Variants in DBF4 observed in about 807,000 individuals in gnomAD.
The protein encoded by DBF4 is protein DBF4 homolog A.
DBF4 carries 25 observed loss-of-function variants against 76.6 expected under a neutral mutation model. The observed-to-expected ratio is 0.33, with a 90% CI of 0.24 to 0.46. DBF4 has a LOEUF of 0.46. DBF4 is among the 20% of genes least tolerant of loss of function. The pLI is 1.00. For missense variants in DBF4, 638 were observed against 760.8 expected (o/e 0.84, Z 1.90); for synonymous variants, 213 against 258.0 (o/e 0.83, Z 1.67).
intron 11 of DBF4, among the ~76,000 whole-genome samples, chr7:87,905,045 G>A (rs1562767564): frequency 6.6e-6 from 1 of 152,102 alleles, no homozygotes; most frequent in East Asian, 1.9e-4. Flanking sequence ...CTGCCTCCCA[G>A]GTACAAAAGA....
intron 6 of DBF4, among the ~76,000 whole-genome samples, chr7:87,889,173 A>G (rs1839429158): frequency 6.6e-6 from 1 of 152,186 alleles, no homozygotes; most frequent in South Asian, 2.1e-4. Context: ...AAGATTATAA[A>G]TAGAGTAACC....
intron 2 of DBF4, among the ~76,000 whole-genome samples, chr7:87,884,352 C>A (rs905080945): frequency 3.9e-5 from 6 of 152,152 alleles, no homozygotes; most frequent in Non-Finnish European, 5.9e-5. Flanking sequence ...CATAACAAGA[C>A]CCCATCTCTT....
Position 87,876,781 on chromosome 7 carries a change from A to G in DBF4, c.46+3A>G, listed in dbSNP as rs201331240. 2.5e-6 allele frequency: 4 copies of G among 1,614,106 alleles called. No homozygotes were observed. Among genetic ancestry groups the G allele is most frequent in the East Asian group, 2.2e-5 (1 of 44,878 alleles). On this transcript the variant is annotated splice_donor_region_variant and intron_variant, in intron 1 of 11. Coordinates refer to ENST00000265728, the MANE Select transcript of DBF4 (RefSeq NM_006716.4). The stretch of plus-strand genomic sequence containing the variant: ...CCACAGTAAAGGACATTTCCAGGGT[A>G]AGAAGCCCCTCCTCCGCCTGCAGTC...
chr7:87,890,293 C>T (rs1026116799), intron 6 of DBF4, among the ~76,000 whole-genome samples: 3 of 152,182 alleles, frequency 2.0e-5, no homozygotes, highest in African/African-American at 7.2e-5. Flanking sequence ...AATCCCAGCA[C>T]TTTGGGAGGC....
At chr7:87,904,080 A>G (rs115728144) in intron 10 of DBF4, among the ~76,000 whole-genome samples, 165 of 152,262 alleles carry the variant, frequency 1.1e-3, no homozygotes, top group African/African-American at 3.9e-3. Flanking sequence ...ACTGAAGACT[A>G]AAAACCAAAG....
chr7:87,893,537 G>A (rs892851941), intron 6 of DBF4, among the ~76,000 whole-genome samples: 1 of 152,170 alleles, frequency 6.6e-6, no homozygotes, highest in Admixed American at 6.5e-5. Context: ...GAGCCACCGC[G>A]CCCGGCCTTC....
At chr7:87,895,802 A>G (rs1375638151) in intron 6 of DBF4, among the ~76,000 whole-genome samples, 2 of 152,054 alleles carry the variant, frequency 1.3e-5, no homozygotes, top group East Asian at 1.9e-4. Context: ...TACCTTTACA[A>G]TCTCAGCCTC....
In DBF4 at chr7:87,885,130, A is replaced by G; in HGVS notation, c.371A>G (p.Asp124Gly). 3.1e-6 allele frequency: 5 copies of G among 1,610,322 alleles called. No homozygotes were observed. The highest frequency in any genetic ancestry group is 1.7e-5 in the Admixed American group (1 of 59,558). ...ACCACTTCACCTCATCCCAGCCATG[A>G]TGGAAGTTCATTTAAGTCACCAGAC... is the stretch of plus-strand genomic sequence containing the variant. ...AETTSPHPSH[D>G]GSSFKSPDTV... The change falls in exon 3 of 12, where the codon GAT (aspartate) becomes GGT (glycine). Residue 124 changes from aspartate (D) to glycine (G), a missense_variant. By Grantham distance (94) the Asp-to-Gly change is moderately conservative. Transcript: ENST00000265728.
chr7:87,876,824 C>T (rs371552897), intron 1 of DBF4, 46 bp downstream of exon 1: 7 of 1,601,102 alleles, frequency 4.4e-6, no homozygotes, highest in Admixed American at 1.7e-5. Context: ...TCCTTTCCTC[C>T]CCTCGTGGTT....
chr7:87,876,524 T>A lies in DBF4; in HGVS notation c.-209T>A, dbSNP rs1471536450. 2 of 594,218 alleles carry A rather than the reference T, an allele frequency of 3.4e-6. No homozygotes were observed. The highest frequency in any genetic ancestry group is 6.0e-6 in the Non-Finnish European group (2 of 332,816). The allele number at this position is 594,218 out of a possible 1,614,324, so 36.8% of individuals were successfully genotyped here. On this transcript the variant is annotated 5_prime_UTR_variant, in exon 1 of 12. Coordinates refer to ENST00000265728, the MANE Select transcript of DBF4 (RefSeq NM_006716.4). The stretch of plus-strand genomic sequence containing the variant: ...TCAACCGCCGCAGCCCACTCGTTTG[T>A]GCTTTGCGCCTTCCTCCTCCGCGCC...
At chr7:87,890,352 G>T (rs1432563793) in intron 6 of DBF4, among the ~76,000 whole-genome samples, 1 of 152,090 alleles carries the variant, frequency 6.6e-6, no homozygotes, top group Non-Finnish European at 1.5e-5. Context: ...GACCAACATG[G>T]TGAAACCCCC....
rs1485298794 is a variant in DBF4, at chr7:87,907,827, C to A, written c.1689C>A (p.Phe563Leu). ...CTGAGGAACCCAATGAATGTGACTT[C>A]AAGAATATGGATAGTTTACCTTCTG... ...TPPEEPNECDFKNMDSLPSGK... is the reference protein window; with the variant it reads ...TPPEEPNECDLKNMDSLPSGK... The change falls in exon 12 of 12, where the codon TTC (phenylalanine) becomes TTA (leucine). Residue 563 changes from phenylalanine to leucine, a missense_variant. Transcript: ENST00000265728. 1.2e-5 allele frequency: 20 copies of A among 1,613,788 alleles called. No homozygotes were observed. Among genetic ancestry groups the A allele is most frequent in the Non-Finnish European group, 1.7e-5 (20 of 1,179,912 alleles).
chr7:87,901,842 C>T (rs751021143), intron 10 of DBF4, among the ~76,000 whole-genome samples: 5 of 152,064 alleles, frequency 3.3e-5, no homozygotes, highest in East Asian at 1.9e-4. Flanking sequence ...GTGTTTGGTT[C>T]GGTTTTGGTA....
At chr7:87,904,229 T>G in intron 10 of DBF4, 63 bp from the exon 11 acceptor site, 1 of 1,508,672 alleles carries the variant, frequency 6.6e-7, no homozygotes, top group Non-Finnish European at 8.9e-7. Context: ...AAAACCTTAA[T>G]TAAAAAGGCA....
chr7:87,889,724 T>A (rs1839439895), intron 6 of DBF4, among the ~76,000 whole-genome samples: 1 of 152,220 alleles, frequency 6.6e-6, no homozygotes, highest in Non-Finnish European at 1.5e-5. Flanking sequence ...AACAAAGTAG[T>A]ATTTAAATAA....
intron 8 of DBF4, among the ~76,000 whole-genome samples, chr7:87,899,007 CT>C (rs1562764612): frequency 6.6e-6 from 1 of 152,064 alleles, no homozygotes; most frequent in Admixed American, 6.6e-5. Context: ...AAAGGACAGT[CT>C]TTTTTAACAG....
Position 87,908,597 on chromosome 7 carries a change from G to C in DBF4, c.*434G>C, listed in dbSNP as rs549694189. The C allele has an allele frequency of 6.5e-6, 1 of 154,142 alleles. No homozygotes were observed. Among genetic ancestry groups the C allele is most frequent in the African/African-American group, 2.4e-5 (1 of 41,580 alleles). 9.5% of individuals were successfully genotyped at this position (154,142 alleles called of 1,614,324 possible). A position where few individuals can be genotyped will look rare whatever the true frequency, so the allele number is the denominator to read the frequency against. Reference sequence around the variant, plus strand: ...AAAGGAAAAATACATTTCTATGCTTGAATTCTGGAAATCATCAGAAATATT... The same window carrying C: ...AAAGGAAAAATACATTTCTATGCTTCAATTCTGGAAATCATCAGAAATATT... On this transcript the variant is annotated 3_prime_UTR_variant, in exon 12 of 12. Coordinates refer to ENST00000265728, the MANE Select transcript of DBF4 (RefSeq NM_006716.4).
At chr7:87,892,718 C>T (rs1461230226) in intron 6 of DBF4, among the ~76,000 whole-genome samples, 1 of 152,066 alleles carries the variant, frequency 6.6e-6, no homozygotes, top group African/African-American at 2.4e-5. Context: ...AATGAGAGTT[C>T]CTGTTGCTGA....
chr7:87,885,042 T>A lies in DBF4; in HGVS notation c.283T>A (p.Phe95Ile), dbSNP rs1197239403. Residue 95 changes from phenylalanine to isoleucine, a missense_variant, in exon 3 of 12, where the codon TTT (phenylalanine) becomes ATT (isoleucine). Coordinates refer to ENST00000265728, the MANE Select transcript of DBF4 (RefSeq NM_006716.4). ...TATTTCAAATAAGAAGGAAGCTAAA[T>A]TTGCACAAACCTTGGGTCGAATTTC... ...YLISNKKEAK[F>I]AQTLGRISPV... The A allele has an allele frequency of 1.2e-6, 2 of 1,613,818 alleles. No homozygotes were observed. The highest frequency in any genetic ancestry group is 1.7e-6 in the Non-Finnish European group (2 of 1,179,744).
Sources: allele counts gnomAD v4.1 joint callset (sites outside exome capture counted in the v4.1 genomes callset), GRCh38; gene constraint gnomAD v4.1.1; transcripts MANE v1.5; gene names NCBI Gene and HGNC (gene_info 2026-07-23, HGNC 2026-07-21).